SELENON: variants seen among roughly 807,000 people sequenced by gnomAD.
SELENON encodes the protein selenoprotein N.
In SELENON, 44 loss-of-function variants were observed where a neutral mutation model predicts 59.5. The observed-to-expected ratio is 0.74, with a 90% CI of 0.58 to 0.95. The LOEUF is 0.95. SELENON is among the 40% of genes least tolerant of loss of function. SELENON has a pLI of 0.00. For synonymous variants in SELENON, 320 were observed against 305.6 expected (o/e 1.05, Z -0.49); for missense variants, 674 against 721.4 (o/e 0.93, Z 0.75).
intron 10 of SELENON, among the ~76,000 whole-genome samples, 183 bp downstream of exon 9, chr1:25,812,975 T>C (rs1403378945): frequency 1.3e-5 from 2 of 152,106 alleles, no homozygotes; most frequent in African/African-American, 4.8e-5. Context: ...AGCTACCAGA[T>C]GCTGAAGAAA....
intron 5 of SELENON, 97 bp downstream of exon 4, chr1:25,808,886 C>A: frequency 6.4e-7 from 1 of 1,573,096 alleles, no homozygotes; most frequent in Non-Finnish European, 8.7e-7. Context: ...AGGCCTGCTC[C>A]ACCTGCTCTC....
chr1:25,815,516 G>T, intron 12 of SELENON, 32 bp from the exon 12 acceptor site: 1 of 1,611,416 alleles, frequency 6.2e-7, no homozygotes, highest in Non-Finnish European at 8.5e-7. Flanking sequence ...GCCCCCCTCC[G>T]CCCCACTTGC....
intron 7 of SELENON, 87 bp downstream of exon 6, chr1:25,809,907 CT>C: frequency 6.6e-7 from 1 of 1,519,938 alleles, no homozygotes; most frequent in Middle Eastern, 1.7e-4. Flanking sequence ...CCTCTTCTGT[CT>C]CTGCCCCTTC....
In SELENON at chr1:25,809,796, TC is replaced by T; in HGVS notation, c.988del (p.Arg330GlyfsTer?). 6.2e-7 allele frequency: 1 copy of T among 1,613,944 alleles called. No homozygotes were observed. Among genetic ancestry groups the T allele is most frequent in the Non-Finnish European group, 8.5e-7 (1 of 1,180,022 alleles). On this transcript the variant is annotated frameshift_variant, in exon 7 of 13. Coordinates refer to ENST00000361547, the MANE Select transcript of SELENON (RefSeq NM_020451.3). LOFTEE classifies it high-confidence loss of function. ...AAAGACGCCACCCACGTCCGCGACT[TC>T]CGGCTCTTCGTGCCCAACCACAGGT...
Position 25,815,762 on chromosome 1 carries a change from GC to G in SELENON, c.*46del. 6.2e-7 allele frequency: 1 copy of G among 1,603,778 alleles called. No homozygotes were observed. The highest frequency in any genetic ancestry group is 8.5e-7 in the Non-Finnish European group (1 of 1,174,846). On this transcript the variant is annotated 3_prime_UTR_variant, in exon 13 of 13. Transcript: ENST00000361547. ...GATGCACAGGCCCCCACGCCTCAGA[GC>G]CAGAGTGGTCCTCAGCCCATTTCAG...
intron 4 of SELENON, among the ~76,000 whole-genome samples, chr1:25,805,983 ACTTC>A (rs2047902703): frequency 6.6e-6 from 1 of 152,064 alleles, no homozygotes; most frequent in Non-Finnish European, 1.5e-5. Context: ...ACCACACCAG[ACTTC>A]CTTCCTTCCA....
chr1:25,807,475 T>C lies in SELENON; in HGVS notation c.538-1105T>C, dbSNP rs1247296539. The stretch of plus-strand genomic sequence containing the variant: ...CCCATCTCCATGGATTTGGCAGTGA[T>C]GGGCTGGTCTGAGCAGATAAGTCCG... On this transcript the variant is annotated intron_variant, in intron 4 of 12. Transcript: ENST00000361547. The surrounding 1 kb of genome is among the most constrained non-coding windows in gnomAD (Gnocchi z 4.5). Among the ~76,000 whole-genome samples the C allele has an allele frequency of 2.0e-5, 3 of 152,196 alleles. No homozygotes were observed. The highest frequency in any genetic ancestry group is 4.8e-5 in the African/African-American group (2 of 41,462).
chr1:25,801,022 C>A, intron 1 of SELENON, 21 bp from the exon 2 acceptor site: 1 of 1,603,694 alleles, frequency 6.2e-7, no homozygotes, highest in Non-Finnish European at 8.5e-7. Context: ...GGTGCCCAGC[C>A]CAGTCTCTCC....
chr1:25,811,918 A>G, intron 9 of SELENON, 39 bp downstream of exon 8: 1 of 1,542,732 alleles, frequency 6.5e-7, no homozygotes, highest in East Asian at 2.4e-5. Flanking sequence ...GTCAGGCTGC[A>G]TGGGCAGAGG....
chr1:25,811,296 C>T lies in SELENON; in HGVS notation c.1011-158C>T, dbSNP rs1158802770. On this transcript the variant is annotated intron_variant, in intron 7 of 12. Coordinates refer to ENST00000361547, the MANE Select transcript of SELENON (RefSeq NM_020451.3). ...GGTGGGGAAGAGGGCCAGGGCTCTGCAGCCAGAATCCCAGTGGCTCTGAGA... is the reference window on the plus strand; with the variant it reads ...GGTGGGGAAGAGGGCCAGGGCTCTGTAGCCAGAATCCCAGTGGCTCTGAGA... 2.0e-5 allele frequency among the ~76,000 whole-genome samples: 3 copies of T among 152,350 alleles called. No individual in the cohort carries two copies. The East Asian group carries it at 5.8e-4, about 29-fold the overall frequency.
Position 25,809,025 on chromosome 1 carries a change from G to T in SELENON, c.748-1G>T, listed in dbSNP as rs2047935031. ...CAGTACGTGCCTCCCGCCGCCCCCA[G>T]GTCATCATCCACCGGCTCCTGAGCA... On this transcript the variant is annotated splice_acceptor_variant, in intron 5 of 12. Transcript: ENST00000361547. LOFTEE classifies it high-confidence loss of function. The T allele has an allele frequency of 6.2e-7, 1 of 1,613,664 alleles. No homozygotes were observed. The highest frequency in any genetic ancestry group is 1.3e-5 in the African/African-American group (1 of 75,070).
rs770106849 is a variant in SELENON, at chr1:25,812,674, G to A, written c.1282-13G>A. The stretch of plus-strand genomic sequence containing the variant: ...TTTGATGATGGCTTCGCTCTGTCTC[G>A]GTGTGGCCCCAGGTCTCCTACTTGC... On this transcript the variant is annotated splice_polypyrimidine_tract_variant and intron_variant, in intron 9 of 12. Coordinates refer to ENST00000361547, the MANE Select transcript of SELENON (RefSeq NM_020451.3). 7 of 1,601,844 alleles carry A rather than the reference G, an allele frequency of 4.4e-6. No homozygotes were observed. Among genetic ancestry groups the A allele is most frequent in the Non-Finnish European group, 3.4e-6 (4 of 1,175,112 alleles).
Position 25,807,512 on chromosome 1 carries a change from A to T in SELENON, c.538-1068A>T, listed in dbSNP as rs1459120621. 6.6e-6 allele frequency among the ~76,000 whole-genome samples: 1 copy of T among 152,220 alleles called. No individual in the cohort carries two copies. Among genetic ancestry groups the T allele is most frequent in the Non-Finnish European group, 1.5e-5 (1 of 68,038 alleles). Reference sequence around the variant, plus strand: ...AGCAGATAAGTCCGCACAGACAACAAGAACTGGGGTGAGGCAGGAGCAGCA... The same window carrying T: ...AGCAGATAAGTCCGCACAGACAACATGAACTGGGGTGAGGCAGGAGCAGCA... On this transcript the variant is annotated intron_variant, in intron 4 of 12. Transcript: ENST00000361547. The surrounding 1 kb of genome is among the most constrained non-coding windows in gnomAD (Gnocchi z 4.5).
intron 4 of SELENON, among the ~76,000 whole-genome samples, chr1:25,806,753 G>A (rs1036513299): frequency 1.3e-5 from 2 of 152,082 alleles, no homozygotes; most frequent in African/African-American, 4.8e-5. Flanking sequence ...ATGACCTTGA[G>A]GCTGGCACCT....
intron 3 of SELENON, 96 bp from the exon 3 acceptor site, chr1:25,805,046 G>T: frequency 6.4e-7 from 1 of 1,550,604 alleles, no homozygotes; most frequent in Non-Finnish European, 8.8e-7. Context: ...CCCACCCCCT[G>T]CCTGGCTCCG....
Position 25,800,346 on chromosome 1 carries a change from C to A in SELENON, c.116C>A (p.Ala39Asp). ...CTGGCGCTGCTCGGAGCCCTGCTGGCCGCCGCCGCTGCCGCCGCCGTCCGG... is the reference window on the plus strand; with the variant it reads ...CTGGCGCTGCTCGGAGCCCTGCTGGACGCCGCCGCTGCCGCCGCCGTCCGG... Residue 39 changes from alanine to aspartate, a missense_variant, in exon 1 of 13, where the codon GCC (alanine) becomes GAC (aspartate). Ala to Asp is a moderately radical substitution (Grantham distance 126). Transcript: ENST00000361547. 1 of 1,028,138 alleles carries A rather than the reference C, an allele frequency of 9.7e-7. No homozygotes were observed. Among genetic ancestry groups the A allele is most frequent in the Non-Finnish European group, 1.2e-6 (1 of 859,432 alleles). 63.7% of individuals were successfully genotyped at this position (1,028,138 alleles called of 1,614,324 possible).
chr1:25,807,082 G>A lies in SELENON; in HGVS notation c.538-1498G>A, dbSNP rs980418862. 6.6e-6 allele frequency among the ~76,000 whole-genome samples: 1 copy of A among 151,726 alleles called. No homozygotes were observed. The highest frequency in any genetic ancestry group is 2.4e-5 in the African/African-American group (1 of 41,278). ...CGTGATCCACCTGCCTCGGCCTCCC[G>A]AATTATAGGCGTACAGGGATTATAG... On this transcript the variant is annotated intron_variant, in intron 4 of 12. Coordinates refer to ENST00000361547, the MANE Select transcript of SELENON (RefSeq NM_020451.3). The surrounding 1 kb of genome is among the most constrained non-coding windows in gnomAD (Gnocchi z 4.5).
rs759469691 is a variant in SELENON at position 25,812,708 on chromosome 1, G to A, written c.1303G>A (p.Glu435Lys). 10 of 1,612,346 alleles carry A rather than the reference G, an allele frequency of 6.2e-6. No individual in the cohort carries two copies. The South Asian group carries it at 8.8e-5, about 14-fold the overall frequency. ...CCAGGTCTCCTACTTGCCGTTCACT[G>A]AGGCCTTCGACCGAGCCAAGGCTGA... Residue 435 changes from glutamate to lysine, a missense_variant, in exon 10 of 13, where the codon GAG becomes AAG. Coordinates refer to ENST00000361547, the MANE Select transcript of SELENON (RefSeq NM_020451.3).
At position 25,809,152 on chromosome 1, in the gene SELENON, T is replaced by C. The variant is rs794727808; in HGVS notation, c.872+2T>C. The C allele has an allele frequency of 6.2e-7, 1 of 1,613,620 alleles. No individual in the cohort carries two copies. On this transcript the variant is annotated splice_donor_variant, in intron 6 of 12. Coordinates refer to ENST00000361547, the MANE Select transcript of SELENON (RefSeq NM_020451.3). LOFTEE classifies it high-confidence loss of function. ...CTTCTACTACACTGTGATGTTCCGG[T>C]GAGTGGGCCACACTGGCTGGCCTGG...
Sources: allele counts gnomAD v4.1 joint callset (sites outside exome capture counted in the v4.1 genomes callset), GRCh38; gene constraint gnomAD v4.1.1; non-coding constraint Gnocchi (gnomAD v3.1); transcripts MANE v1.5; gene names NCBI Gene and HGNC (gene_info 2026-07-23, HGNC 2026-07-21).